The following GSTCD variants were observed in gnomAD, a reference collection of about 807,000 sequenced individuals.
The protein encoded by GSTCD is glutathione S-transferase C-terminal domain containing.
Under a neutral mutation model 68.3 loss-of-function variants are expected in GSTCD, and 44 were observed. The observed-to-expected ratio is 0.64, with a 90% CI of 0.51 to 0.83. GSTCD has a LOEUF of 0.83. Ranked by LOEUF, GSTCD falls within the 40% of genes least tolerant of loss-of-function variation. The pLI is 0.00. For synonymous variants in GSTCD, 273 were observed against 255.2 expected, an observed-to-expected ratio of 1.07 and a Z score of -0.67; for missense variants, 739 against 735.9, an observed-to-expected ratio of 1.00 and a Z score of -0.05.
intron 5 of GSTCD, among the ~76,000 whole-genome samples, chr4:105,813,738 C>T (rs1274323024): frequency 1.3e-5 from 2 of 152,134 alleles, no homozygotes; most frequent in African/African-American, 4.8e-5. Flanking sequence ...ATATGGAGTG[C>T]TTTTTCTCTT....
chr4:105,740,745 G>T (rs1733605821), intron 5 of GSTCD, among the ~76,000 whole-genome samples: 1 of 152,024 alleles, frequency 6.6e-6, no homozygotes, highest in Non-Finnish European at 1.5e-5. Context: ...CTGCTTTCAG[G>T]TAGTGATTTT....
In GSTCD at chr4:105,756,526, ACG is replaced by A. The variant is rs1167598146; in HGVS notation, c.1240+27028_1240+27029del. On this transcript the variant is annotated intron_variant, in intron 5 of 11. Transcript: ENST00000515279. ...CACACACACACACACACACACACAC[ACG>A]TATATACATATATACGCATACATAT... Among the ~76,000 whole-genome samples the A allele has an allele frequency of 9.9e-3, 1,275 of 128,358 alleles. 15 individuals are homozygous for A. The highest frequency in any genetic ancestry group is 0.032 in the African/African-American group (1,169 of 35,974). The allele number at this position is 128,358 out of a possible 152,430, so 84.2% of individuals were successfully genotyped here.
chr4:105,824,422 A>C (rs1723481756), intron 7 of GSTCD, among the ~76,000 whole-genome samples: 1 of 152,160 alleles, frequency 6.6e-6, no homozygotes, highest in Non-Finnish European at 1.5e-5. Context: ...GAAGTTTAGA[A>C]AGGTTGAAAC....
chr4:105,716,230 A>G (rs1479748688), intron 1 of GSTCD, among the ~76,000 whole-genome samples: 1 of 152,206 alleles, frequency 6.6e-6, no homozygotes, highest in Non-Finnish European at 1.5e-5. Context: ...CATAGATGGA[A>G]ATAGAAAGGT....
rs763905162 is a variant in GSTCD at position 105,823,029 on chromosome 4, C to CAGGTAA, written c.1316_1317insAGGTAA (p.Ala439_Lys440insGlyAsn). On this transcript the variant is annotated inframe_insertion, in exon 6 of 12. Transcript: ENST00000515279. ...CTTGTCTATGTGGTAACAAATCAGG[C>CAGGTAA]CAAACCTGGTGACAGAATTGTGGAT... The CAGGTAA allele has an allele frequency of 6.2e-7, 1 of 1,613,818 alleles. No homozygotes were observed. The highest frequency in any genetic ancestry group is 8.5e-7 in the Non-Finnish European group (1 of 1,179,774).
chr4:105,740,831 A>C (rs887243330), intron 5 of GSTCD, among the ~76,000 whole-genome samples: 1 of 152,052 alleles, frequency 6.6e-6, no homozygotes, highest in African/African-American at 2.4e-5. Flanking sequence ...GGTCCCTATT[A>C]TTAGCAAATA....
chr4:105,743,713 C>T lies in GSTCD; in HGVS notation c.1240+14214C>T, dbSNP rs529860057. Among the ~76,000 whole-genome samples, 128 of 125,614 alleles carry T rather than the reference C, an allele frequency of 1.0e-3. 1 individual carries two copies. The highest frequency in any genetic ancestry group is 1.6e-3 in the Admixed American group (16 of 9,800). The allele number at this position is 125,614 out of a possible 152,430, so 82.4% of individuals were successfully genotyped here. On this transcript the variant is annotated intron_variant, in intron 5 of 11. Transcript: ENST00000515279. ...TGGCTCTGTCGTCCAGGCTGGAGTG[C>T]GGTGGCACGATCTTGGCTTACTGCA...
chr4:105,755,891 G>A (rs1197652700), intron 5 of GSTCD, among the ~76,000 whole-genome samples: 1 of 151,952 alleles, frequency 6.6e-6, no homozygotes, highest in African/African-American at 2.4e-5. Flanking sequence ...GGTATGTATA[G>A]TTTATGTATA....
chr4:105,845,156 T>C (rs751747995), intron 11 of GSTCD, among the ~76,000 whole-genome samples: 1 of 152,162 alleles, frequency 6.6e-6, no homozygotes, highest in South Asian at 2.1e-4. Flanking sequence ...AAGTAGGAAA[T>C]ACAGTCTGAG....
Position 105,812,753 on chromosome 4 carries a change from A to G in GSTCD, c.1241-10201A>G, listed in dbSNP as rs143044797. 1.1e-3 allele frequency among the ~76,000 whole-genome samples: 166 copies of G among 152,264 alleles called. No homozygotes were observed. The Middle Eastern group carries it at 0.014, about 12-fold the overall frequency. ...ATTTCCTTGAAAAATATACTTTAGC[A>G]TGTCTCTCATGCTGATTTTAGATTG... On this transcript the variant is annotated intron_variant, in intron 5 of 11. Transcript: ENST00000515279.
chr4:105,770,221 G>A (rs1382420996), intron 5 of GSTCD, among the ~76,000 whole-genome samples: 1 of 152,166 alleles, frequency 6.6e-6, no homozygotes, highest in African/African-American at 2.4e-5. Context: ...CACGTTTATA[G>A]CTGCTCATTC....
intron 5 of GSTCD, among the ~76,000 whole-genome samples, chr4:105,814,922 A>G (rs764679826): frequency 2.6e-5 from 4 of 152,226 alleles, no homozygotes; most frequent in Non-Finnish European, 4.4e-5. Flanking sequence ...TGCGGTTTAT[A>G]CAGACCCTGT....
chr4:105,714,405 G>A (rs1196145459), intron 1 of GSTCD, among the ~76,000 whole-genome samples: 2 of 151,814 alleles, frequency 1.3e-5, no homozygotes, highest in South Asian at 2.1e-4. Flanking sequence ...CTTAAAGCTC[G>A]TGACAGAAAA....
At chr4:105,732,641 G>C (rs569256733) in intron 5 of GSTCD, among the ~76,000 whole-genome samples, 2 of 152,038 alleles carry the variant, frequency 1.3e-5, no homozygotes, top group Non-Finnish European at 2.9e-5. Context: ...CAAAAAACCA[G>C]CTCCTGGATT....
chr4:105,814,773 G>A (rs1452199504), intron 5 of GSTCD, among the ~76,000 whole-genome samples: 1 of 152,092 alleles, frequency 6.6e-6, no homozygotes, highest in Non-Finnish European at 1.5e-5. Flanking sequence ...CATGCCTGTA[G>A]CTGGGTTCAT....
At chr4:105,725,706 G>A (rs1733007559) in intron 3 of GSTCD, among the ~76,000 whole-genome samples, 1 of 151,836 alleles carries the variant, frequency 6.6e-6, no homozygotes, top group Non-Finnish European at 1.5e-5. Context: ...CAATTTTTAT[G>A]CTATGAAATG....
At chr4:105,726,889 C>G in intron 4 of GSTCD, 59 bp downstream of exon 4, 2 of 1,286,980 alleles carry the variant, frequency 1.6e-6, no homozygotes, top group Non-Finnish European at 2.2e-6. Flanking sequence ...GCTGAGCATT[C>G]TACTCCAACT....
chr4:105,772,323 T>C (rs1362408480), intron 5 of GSTCD, among the ~76,000 whole-genome samples: 1 of 152,210 alleles, frequency 6.6e-6, no homozygotes, highest in East Asian at 1.9e-4. Flanking sequence ...TAATTTGACT[T>C]CCTCTCTTCC....
intron 5 of GSTCD, among the ~76,000 whole-genome samples, chr4:105,820,113 T>C (rs561162789): frequency 2.4e-4 from 37 of 151,864 alleles, no homozygotes; most frequent in African/African-American, 8.7e-4. Context: ...TGGTGGTACA[T>C]GTACACATTT....
Sources: gnomAD v4.1 joint callset for allele counts (sites outside exome capture counted in the v4.1 genomes callset) on GRCh38, gnomAD v4.1.1 for gene constraint, MANE v1.5 for transcripts, NCBI Gene and HGNC (gene_info 2026-07-23, HGNC 2026-07-21) for gene names.